The following TSPAN11 variants were observed in gnomAD, a reference collection of about 807,000 sequenced individuals.
The protein encoded by TSPAN11 is tetraspanin-11.
Under a neutral mutation model 32.9 loss-of-function variants are expected in TSPAN11, and 29 were observed. The observed-to-expected ratio is 0.88, with a 90% CI of 0.66 to 1.20. The LOEUF is 1.20. Among genes scored for constraint, TSPAN11 ranks in the 50% most tolerant of loss-of-function variants. The probability of loss-of-function intolerance (pLI) is 0.00; values close to 1 mark genes in which losing one functional copy is unlikely to be tolerated. For missense variants in TSPAN11, 283 were observed against 329.1 expected (o/e 0.86, Z 1.08); for synonymous variants, 140 against 141.3 (o/e 0.99, Z 0.07).
chr12:30,957,759 C>T lies in TSPAN11; in HGVS notation c.84+3684C>T, dbSNP rs1218361649. Among the ~76,000 whole-genome samples the T allele has an allele frequency of 5.0e-5, 2 of 39,772 alleles. 1 individual carries two copies. Among genetic ancestry groups the T allele is most frequent in the African/African-American group, 3.6e-4 (2 of 5,612 alleles). 26.1% of individuals were successfully genotyped at this position (39,772 alleles called of 152,430 possible). ...TCCCTCCCTCCCTCCCTCCTTCCTT[C>T]CTTCCTTCCTTCCTTCCCTCCCTCC... On this transcript the variant is annotated intron_variant, in intron 2 of 7. Coordinates refer to ENST00000546076, the MANE Select transcript of TSPAN11 (RefSeq NM_001370302.1).
At chr12:31,010,205 A>T in the TSPAN11 span, among the ~76,000 whole-genome samples, 6 of 152,180 alleles carry the variant, frequency 3.9e-5, no homozygotes, top group African/African-American at 1.2e-4. Flanking sequence ...CTGGTGCAGG[A>T]ACCCAAGGCT....
At chr12:30,946,539 A>G (rs1277787454) in intron 1 of TSPAN11, among the ~76,000 whole-genome samples, 1 of 152,192 alleles carries the variant, frequency 6.6e-6, no homozygotes, top group Admixed American at 6.5e-5. Context: ...ATCAAACTCC[A>G]TCAGCCTGCT....
intron 3 of TSPAN11, among the ~76,000 whole-genome samples, chr12:30,970,511 C>G (rs547943741): frequency 6.6e-6 from 1 of 152,164 alleles, no homozygotes; most frequent in East Asian, 1.9e-4. Flanking sequence ...GACTTGCTGC[C>G]TCCCCAAGAC....
At position 30,957,786 on chromosome 12, in the gene TSPAN11, TC is replaced by T. The variant is rs1938523815; in HGVS notation, c.84+3714del. On this transcript the variant is annotated intron_variant, in intron 2 of 7. Transcript: ENST00000546076. ...TTCCTTCCTTCCTTCCCTCCCTCCC[TC>T]CCTCCTTCCTTCCCTCCTTCCTTCC... Among the ~76,000 whole-genome samples the T allele has an allele frequency of 9.1e-5, 3 of 32,800 alleles. 1 individual carries two copies. The highest frequency in any genetic ancestry group is 1.5e-4 in the Non-Finnish European group (3 of 19,944). 21.5% of individuals were successfully genotyped at this position (32,800 alleles called of 152,430 possible). A position where few individuals can be genotyped will look rare whatever the true frequency, so the allele number is the denominator to read the frequency against.
rs1348583946 is a variant in TSPAN11, at chr12:30,995,221, T to G, written c.*3306T>G. 1 of 152,356 alleles carries G rather than the reference T, an allele frequency of 6.6e-6. No individual in the cohort carries two copies. Among genetic ancestry groups the G allele is most frequent in the Non-Finnish European group, 1.5e-5 (1 of 68,176 alleles). The allele number at this position is 152,356 out of a possible 1,614,324, so 9.4% of individuals were successfully genotyped here. A position where few individuals can be genotyped will look rare whatever the true frequency, so the allele number is the denominator to read the frequency against. On this transcript the variant is annotated 3_prime_UTR_variant, in exon 8 of 8. Transcript: ENST00000546076. ...TGTCCCTCAGCCCTCAGGGCCTTCA[T>G]GCAGGGTGCAGAATCTCATGTCCAC...
At chr12:30,978,986 GA>G in intron 4 of TSPAN11, 2 of 314,274 alleles carry the variant, frequency 6.4e-6, no homozygotes, top group Non-Finnish European at 1.2e-5. Flanking sequence ...GCCAGACCCC[GA>G]AACAGGATCG....
intron 7 of TSPAN11, among the ~76,000 whole-genome samples, chr12:30,986,254 G>A (rs1196966046): frequency 6.6e-6 from 1 of 152,192 alleles, no homozygotes; most frequent in Non-Finnish European, 1.5e-5. Flanking sequence ...AATCTTGCTT[G>A]GGAGTTACAG....
chr12:30,930,078 A>G (rs1592455947), intron 1 of TSPAN11, among the ~76,000 whole-genome samples: 1 of 152,260 alleles, frequency 6.6e-6, no homozygotes, highest in East Asian at 1.9e-4. Flanking sequence ...TGTTCATTCC[A>G]TTGATACTGC....
intron 7 of TSPAN11, chr12:30,988,484 G>T (rs1939246546): frequency 6.6e-6 from 1 of 152,274 alleles, no homozygotes; most frequent in African/African-American, 2.4e-5. Context: ...AGCTACTCGG[G>T]AGGCTGAGGC....
the TSPAN11 span, among the ~76,000 whole-genome samples, chr12:31,011,047 T>C: frequency 3.9e-5 from 6 of 152,204 alleles, no homozygotes; most frequent in Non-Finnish European, 8.8e-5. Context: ...TTACTGTACA[T>C]TTTCATATAA....
At chr12:30,941,075 C>A (rs1938153350) in intron 1 of TSPAN11, among the ~76,000 whole-genome samples, 1 of 152,220 alleles carries the variant, frequency 6.6e-6, no homozygotes, top group Non-Finnish European at 1.5e-5. Flanking sequence ...TTGGGGACCG[C>A]TGTTACAAGG....
At chr12:30,984,397 C>T (rs982101007) in intron 7 of TSPAN11, among the ~76,000 whole-genome samples, 2 of 152,164 alleles carry the variant, frequency 1.3e-5, no homozygotes, top group Admixed American at 1.3e-4. Flanking sequence ...AACCCACTTA[C>T]GAAGTACCTG....
the TSPAN11 span, among the ~76,000 whole-genome samples, chr12:31,013,425 T>G: frequency 6.6e-6 from 1 of 151,654 alleles, no homozygotes; most frequent in Non-Finnish European, 1.5e-5. Context: ...AAAAAAAAAT[T>G]TTTTTTAATT....
At chr12:30,954,880 T>A (rs1213450197) in intron 2 of TSPAN11, 3 of 152,322 alleles carry the variant, frequency 2.0e-5, no homozygotes, top group Admixed American at 6.5e-5. Context: ...GTAAATGCAG[T>A]ATTTTGAATA....
At chr12:30,987,080 A>C (rs1240109159) in intron 7 of TSPAN11, among the ~76,000 whole-genome samples, 1 of 152,256 alleles carries the variant, frequency 6.6e-6, no homozygotes, top group Non-Finnish European at 1.5e-5. Flanking sequence ...TAATAGAGTT[A>C]AAGTCCTTGC....
the TSPAN11 span, among the ~76,000 whole-genome samples, chr12:31,005,353 C>T: frequency 1.3e-5 from 2 of 152,230 alleles, no homozygotes; most frequent in South Asian, 4.1e-4. Context: ...CCAACTCCCC[C>T]ACAGTGGCCA....
intron 1 of TSPAN11, among the ~76,000 whole-genome samples, chr12:30,939,957 G>A (rs927401136): frequency 1.3e-5 from 2 of 152,222 alleles, no homozygotes; most frequent in Non-Finnish European, 2.9e-5. Context: ...TCTCTCATCT[G>A]AGGCTGAAAT....
chr12:30,976,009 G>A (rs561550254), intron 3 of TSPAN11, among the ~76,000 whole-genome samples: 3 of 152,262 alleles, frequency 2.0e-5, no homozygotes, highest in Admixed American at 1.3e-4. Context: ...GAAAGGAGCC[G>A]CAGGGCCCAG....
At chr12:30,979,809 C>T (rs914829895) in intron 5 of TSPAN11, 139 bp downstream of exon 5, 3 of 792,084 alleles carry the variant, frequency 3.8e-6, no homozygotes, top group African/African-American at 1.7e-5. Context: ...AATGAAGCCT[C>T]TTTAGGGCAC....
Sources: gnomAD v4.1 joint callset for allele counts (sites outside exome capture counted in the v4.1 genomes callset) on GRCh38, gnomAD v4.1.1 for gene constraint, MANE v1.5 for transcripts, NCBI Gene and HGNC (gene_info 2026-07-23, HGNC 2026-07-21) for gene names.